PCDH15: variants seen among roughly 807,000 people sequenced by gnomAD.
PCDH15 encodes the protein protocadherin-15.
In PCDH15, 129 loss-of-function variants were observed where a neutral mutation model predicts 178.5. The observed-to-expected ratio is 0.72, with a 90% CI of 0.63 to 0.84. The LOEUF (loss-of-function observed/expected upper bound fraction) is 0.84. Ranked by LOEUF, PCDH15 falls within the 40% of genes least tolerant of loss-of-function variation. The pLI is 0.00. For synonymous variants in PCDH15, 800 were observed against 732.0 expected (o/e 1.09, Z -1.50); for missense variants, 2,230 against 2,099.9 (o/e 1.06, Z -1.21).
chr10:54,135,181 T>C (rs149534682), intron 14 of PCDH15, among the ~76,000 whole-genome samples: 2,281 of 148,992 alleles, frequency 0.015, 73 homozygotes, highest in African/African-American at 0.055. Context: ...CCAGCCTGGG[T>C]GACAGGGCGA....
intron 15 of PCDH15, among the ~76,000 whole-genome samples, chr10:54,094,091 T>C (rs1198223835): frequency 1.3e-5 from 2 of 152,176 alleles, no homozygotes; most frequent in African/African-American, 4.8e-5. Flanking sequence ...TCAGCTATAC[T>C]ATCTCTTCTC....
At chr10:54,952,430 G>T (rs968506588) in intron 2 of PCDH15, among the ~76,000 whole-genome samples, 5 of 151,720 alleles carry the variant, frequency 3.3e-5, no homozygotes, top group Non-Finnish European at 7.4e-5. Context: ...CTTGAAGTCA[G>T]GTTGTGTTGT....
At chr10:54,114,837 A>G (rs2132756380) in intron 15 of PCDH15, among the ~76,000 whole-genome samples, 1 of 152,300 alleles carries the variant, frequency 6.6e-6, no homozygotes, top group Middle Eastern at 3.4e-3. Context: ...CCAGGAGGTC[A>G]GTAAGGCTAG....
intron 2 of PCDH15, among the ~76,000 whole-genome samples, chr10:55,441,978 C>A (rs1352860888): frequency 2.0e-5 from 3 of 151,984 alleles, no homozygotes; most frequent in African/African-American, 7.2e-5. Flanking sequence ...TGCTGACAGC[C>A]CCCAGCAGGT....
chr10:53,914,233 A>G (rs2133810060), intron 25 of PCDH15, among the ~76,000 whole-genome samples: 1 of 152,308 alleles, frequency 6.6e-6, no homozygotes, highest in South Asian at 2.1e-4. Flanking sequence ...AGAGCTAGAA[A>G]TACCATTTGA....
chr10:55,351,397 T>C (rs1336376695), intron 2 of PCDH15, among the ~76,000 whole-genome samples: 1 of 152,076 alleles, frequency 6.6e-6, no homozygotes, highest in Non-Finnish European at 1.5e-5. Context: ...TCCACGATTC[T>C]ATTCCTACTA....
chr10:53,949,264 A>C (rs1393373512), intron 23 of PCDH15, among the ~76,000 whole-genome samples: 1 of 152,222 alleles, frequency 6.6e-6, no homozygotes, highest in Non-Finnish European at 1.5e-5. Context: ...CAAGGTTTTA[A>C]TAGTGCCATA....
chr10:54,659,721 T>TA, intron 2 of PCDH15, among the ~76,000 whole-genome samples: 1 of 150,406 alleles, frequency 6.6e-6, no homozygotes. Context: ...ACCACTACAC[T>TA]TCAGTCTGGG....
intron 1 of PCDH15, among the ~76,000 whole-genome samples, chr10:55,207,925 C>T (rs1237937845): frequency 1.3e-5 from 2 of 152,078 alleles, no homozygotes; most frequent in Non-Finnish European, 2.9e-5. Flanking sequence ...GGCGAGGCTG[C>T]ACCACTGTAC....
At chr10:54,139,184 CTTCT>C (rs2043158279) in intron 14 of PCDH15, among the ~76,000 whole-genome samples, 1 of 151,660 alleles carries the variant, frequency 6.6e-6, no homozygotes, top group Admixed American at 6.6e-5. Flanking sequence ...GTTTGTGTAC[CTTCT>C]TTGACAAATG....
intron 20 of PCDH15, among the ~76,000 whole-genome samples, chr10:54,015,736 GTACAAAAATCAAC>G (rs2092720107): frequency 1.3e-5 from 2 of 151,950 alleles, no homozygotes; most frequent in South Asian, 4.1e-4. Flanking sequence ...CTTACACCAT[GTACAAAAATCAAC>G]TCAAGACGGA....
At chr10:55,495,363 C>T (rs905650711) in intron 2 of PCDH15, among the ~76,000 whole-genome samples, 101 of 151,730 alleles carry the variant, frequency 6.7e-4, no homozygotes, top group African/African-American at 2.2e-3. Context: ...TGCCTTAAAT[C>T]TGATAAGGGA....
At chr10:55,305,283 T>C (rs1477056870) in intron 1 of PCDH15, among the ~76,000 whole-genome samples, 1 of 152,234 alleles carries the variant, frequency 6.6e-6, no homozygotes, top group Non-Finnish European at 1.5e-5. Flanking sequence ...TTTCATAATT[T>C]AATTTCAATT....
intron 1 of PCDH15, among the ~76,000 whole-genome samples, chr10:55,232,488 C>T (rs868115829): frequency 3.3e-5 from 5 of 151,922 alleles, no homozygotes; most frequent in Admixed American, 1.3e-4. Flanking sequence ...TAAGAGGATC[C>T]CTAACATTTC....
intron 3 of PCDH15, among the ~76,000 whole-genome samples, chr10:54,451,070 T>C (rs758736441): frequency 2.4e-4 from 37 of 151,886 alleles, no homozygotes; most frequent in Non-Finnish European, 4.9e-4. Flanking sequence ...TACAAAAATA[T>C]AATCTAAATG....
chr10:54,266,813 C>T (rs1345680445), intron 8 of PCDH15, among the ~76,000 whole-genome samples: 8 of 151,748 alleles, frequency 5.3e-5, no homozygotes, highest in Non-Finnish European at 1.0e-4. Flanking sequence ...AATAGAAGTC[C>T]GGGACTAGAT....
intron 2 of PCDH15, among the ~76,000 whole-genome samples, chr10:55,031,073 CCAAA>C (rs748933804): frequency 8.6e-5 from 13 of 151,878 alleles, no homozygotes; most frequent in Non-Finnish European, 1.3e-4. Context: ...GTCCTTTATC[CCAAA>C]CAAATTGATG....
chr10:54,853,958 G>T (rs1356911068), intron 3 of PCDH15, among the ~76,000 whole-genome samples: 1 of 152,122 alleles, frequency 6.6e-6, no homozygotes, highest in Non-Finnish European at 1.5e-5. Context: ...GGTTCGTTTT[G>T]CCCACTTGGC....
chr10:54,752,679 C>T (rs1159686507), intron 1 of PCDH15, among the ~76,000 whole-genome samples: 3 of 148,404 alleles, frequency 2.0e-5, no homozygotes, highest in Non-Finnish European at 4.5e-5. Context: ...AAAATGATGC[C>T]GAGTGTATCT....
Sources: gnomAD v4.1 joint callset for allele counts (sites outside exome capture counted in the v4.1 genomes callset) on GRCh38, gnomAD v4.1.1 for gene constraint, MANE v1.5 for transcripts, NCBI Gene and HGNC (gene_info 2026-07-23, HGNC 2026-07-21) for gene names.